Variants in ICA1 observed in about 807,000 individuals in gnomAD.
ICA1 encodes the protein islet cell autoantigen 1, also known as 69 kDa islet cell autoantigen.
ICA1 carries 40 observed loss-of-function variants against 71.0 expected under a neutral mutation model. The observed-to-expected ratio is 0.56, with a 90% confidence interval of 0.44 to 0.73. The LOEUF (loss-of-function observed/expected upper bound fraction) is 0.73, where lower values mean the gene tolerates loss of function less well. Among genes scored for constraint, ICA1 ranks in the 30% least tolerant of loss-of-function variants. ICA1 has a pLI of 0.00. For synonymous variants in ICA1, 207 were observed against 209.5 expected (o/e 0.99, Z 0.10); for missense variants, 578 against 576.5 (o/e 1.00, Z -0.03).
chr7:8,236,218 A>G (rs1801796660), intron 1 of ICA1, among the ~76,000 whole-genome samples: 1 of 152,260 alleles, frequency 6.6e-6, no homozygotes, highest in South Asian at 2.1e-4. Context: ...GTGAACAGGC[A>G]GATTGAATGA....
chr7:8,224,142 T>C (rs763373132), intron 4 of ICA1, among the ~76,000 whole-genome samples: 7 of 151,842 alleles, frequency 4.6e-5, no homozygotes, highest in Non-Finnish European at 7.4e-5. Context: ...GGCAGAGCAA[T>C]GAGAGATGGG....
intron 13 of ICA1, among the ~76,000 whole-genome samples, chr7:8,116,843 G>A (rs1784944796): frequency 6.6e-6 from 1 of 152,166 alleles, no homozygotes; most frequent in African/African-American, 2.4e-5. Flanking sequence ...TAACAGTCCA[G>A]TCCAAATATA....
intron 1 of ICA1, among the ~76,000 whole-genome samples, chr7:8,243,770 A>G (rs1351328567): frequency 1.3e-5 from 2 of 152,202 alleles, no homozygotes; most frequent in Admixed American, 6.5e-5. Context: ...CTATACACCA[A>G]TAACAGACAA....
At chr7:8,160,195 A>G (rs62433160) in intron 6 of ICA1, among the ~76,000 whole-genome samples, 21,285 of 152,216 alleles carry the variant, frequency 0.14, 1,801 homozygotes, top group East Asian at 0.28. Context: ...TGATGATTTT[A>G]TTTTCTAATA....
At chr7:8,116,614 G>A (rs534271305) in intron 13 of ICA1, 16 of 152,182 alleles carry the variant, frequency 1.1e-4, no homozygotes, top group East Asian at 9.7e-4. Context: ...AAGCACAATC[G>A]TTTCATGATC....
At chr7:8,227,464 T>A (rs557351504) in intron 4 of ICA1, among the ~76,000 whole-genome samples, 24 of 152,226 alleles carry the variant, frequency 1.6e-4, no homozygotes, top group Admixed American at 1.4e-3. Context: ...CGGTCATGTG[T>A]CTTAATTTGC....
chr7:8,183,787 T>C (rs141804546), intron 6 of ICA1, among the ~76,000 whole-genome samples: 2,045 of 152,310 alleles, frequency 0.013, 36 homozygotes, highest in East Asian at 0.075. Flanking sequence ...AGGTCAATTA[T>C]GCCTCTCTGT....
chr7:8,180,107 C>T, intron 6 of ICA1, among the ~76,000 whole-genome samples: 1 of 151,756 alleles, frequency 6.6e-6, no homozygotes. Context: ...TATGTATATA[C>T]CCACATTAAC....
At chr7:8,221,444 G>C (rs1188179752) in intron 4 of ICA1, 46 bp from the exon 5 acceptor site, 1 of 1,603,584 alleles carries the variant, frequency 6.2e-7, no homozygotes, top group Middle Eastern at 1.7e-4. Context: ...TGAGCATTTT[G>C]ATTGCAAAGG....
At position 8,143,979 on chromosome 7, in the gene ICA1, C is replaced by A; in HGVS notation, c.805-7G>T. On this transcript the variant is annotated splice_polypyrimidine_tract_variant and splice_region_variant and intron_variant, in intron 8 of 13. Transcript: ENST00000402384. ...TCATAGGGTCTTGTAAGCTCTTGAT[C>A]ACGAGCCATAGAAAAATGAAAAAGA... is the stretch of plus-strand genomic sequence containing the variant. 1 of 1,416,848 alleles carries A rather than the reference C, an allele frequency of 7.1e-7. No individual in the cohort carries two copies. The highest frequency in any genetic ancestry group is 1.8e-5 in the Admixed American group (1 of 54,626). The allele number at this position is 1,416,848 out of a possible 1,614,324, so 87.8% of individuals were successfully genotyped here.
Position 8,144,526 on chromosome 7 carries a change from C to T in ICA1, c.805-554G>A, listed in dbSNP as rs188931201. The stretch of plus-strand genomic sequence containing the variant: ...ACATATTCTGACAACCTAACTCCCA[C>T]GAGTGGACAGAGCAGGTGCATCCAA... On this transcript the variant is annotated intron_variant, in intron 8 of 13. Transcript: ENST00000402384. This position sits in a 1 kb window ranked among gnomAD's most constrained non-coding sequence, Gnocchi z 4.5. Among the ~76,000 whole-genome samples, 210 of 152,298 alleles carry T rather than the reference C, an allele frequency of 1.4e-3. 1 individual carries two copies. The highest frequency in any genetic ancestry group is 4.6e-3 in the African/African-American group (192 of 41,546).
Position 8,239,380 on chromosome 7 carries a change from G to A in ICA1, c.-79-3375C>T, listed in dbSNP as rs1802966099. 2.0e-5 allele frequency among the ~76,000 whole-genome samples: 3 copies of A among 152,132 alleles called. No individual in the cohort carries two copies. The South Asian group carries it at 6.2e-4, about 32-fold the overall frequency. The stretch of plus-strand genomic sequence containing the variant: ...GAGTACATGCCAGTCACTCTTCCTG[G>A]CCTCAAATATAGATCAGCTCTGTCC... On this transcript the variant is annotated intron_variant, in intron 1 of 13. Coordinates refer to ENST00000402384, the MANE Select transcript of ICA1 (RefSeq NM_001136020.3).
intron 1 of ICA1, among the ~76,000 whole-genome samples, chr7:8,243,409 A>G (rs985601070): frequency 2.6e-5 from 4 of 152,220 alleles, no homozygotes; most frequent in Non-Finnish European, 2.9e-5. Context: ...TATTGATGGA[A>G]CGTATCTCAA....
At chr7:8,206,835 T>G (rs1352522721) in intron 6 of ICA1, among the ~76,000 whole-genome samples, 1 of 152,208 alleles carries the variant, frequency 6.6e-6, no homozygotes, top group East Asian at 1.9e-4. Context: ...TTTCTTCATT[T>G]ATTTCACATG....
At chr7:8,244,859 A>G (rs1412750791) in intron 1 of ICA1, among the ~76,000 whole-genome samples, 1 of 152,220 alleles carries the variant, frequency 6.6e-6, no homozygotes, top group Admixed American at 6.5e-5. Flanking sequence ...CCACAGTGAG[A>G]TACCATCTCA....
At chr7:8,128,216 G>A (rs1057481143) in intron 12 of ICA1, 74 bp from the exon 13 acceptor site, 51 of 1,479,956 alleles carry the variant, frequency 3.4e-5, no homozygotes, top group Middle Eastern at 4.1e-4. Context: ...TGTGGGGGCT[G>A]CGAAGGGGGA....
intron 6 of ICA1, among the ~76,000 whole-genome samples, chr7:8,201,969 G>C (rs981237486): frequency 2.0e-5 from 3 of 152,208 alleles, no homozygotes; most frequent in Admixed American, 6.5e-5. Flanking sequence ...CCGGGGGACA[G>C]GGAGTGGCCT....
rs1294521812 is a variant in ICA1 at position 8,123,722 on chromosome 7, G to A, written c.1330+4151C>T. ...TGTGCGACCAGGATGCCCAGGCCAGGGTGTCATTACAAGTCCTGCCCCTCT... is the reference window on the plus strand; with the variant it reads ...TGTGCGACCAGGATGCCCAGGCCAGAGTGTCATTACAAGTCCTGCCCCTCT... On this transcript the variant is annotated intron_variant, in intron 13 of 13. Coordinates refer to ENST00000402384, the MANE Select transcript of ICA1 (RefSeq NM_001136020.3). This position sits in a 1 kb window ranked among gnomAD's most constrained non-coding sequence, Gnocchi z 4.1. Among the ~76,000 whole-genome samples the A allele has an allele frequency of 6.6e-6, 1 of 152,122 alleles. No individual in the cohort carries two copies. The highest frequency in any genetic ancestry group is 1.9e-4 in the East Asian group (1 of 5,198).
At chr7:8,155,506 C>T (rs995205288) in intron 8 of ICA1, among the ~76,000 whole-genome samples, 2 of 152,188 alleles carry the variant, frequency 1.3e-5, no homozygotes, top group African/African-American at 2.4e-5. Flanking sequence ...CATGAATTCA[C>T]ATTGTACTTT....
Sources: gnomAD v4.1 joint callset for allele counts (sites outside exome capture counted in the v4.1 genomes callset) on GRCh38, gnomAD v4.1.1 for gene constraint, Gnocchi (gnomAD v3.1) non-coding constraint, MANE v1.5 for transcripts, NCBI Gene and HGNC (gene_info 2026-07-23, HGNC 2026-07-21) for gene names.